NOP56: variants seen among roughly 807,000 people sequenced by gnomAD.
NOP56 encodes NOP56 ribonucleoprotein.
NOP56 carries 31 observed loss-of-function variants against 58.3 expected under a neutral mutation model. That is an observed-to-expected ratio of 0.53 (90% confidence interval 0.40 to 0.72). NOP56 has a LOEUF of 0.72. Ranked by LOEUF, NOP56 falls within the 30% of genes least tolerant of loss-of-function variation. The pLI is 0.00. For missense variants in NOP56, 669 were observed against 739.9 expected (o/e 0.90, Z 1.11); for synonymous variants, 313 against 282.8 (o/e 1.11, Z -1.07).
At position 2,656,745 on chromosome 20, in the gene NOP56, G is replaced by T. The variant is rs200845470; in HGVS notation, c.1160-29G>T. 6.2e-6 allele frequency: 10 copies of T among 1,613,996 alleles called. No individual in the cohort carries two copies. The South Asian group carries it at 1.1e-4, about 18-fold the overall frequency. On this transcript the variant is annotated intron_variant, in intron 9 of 11. Coordinates refer to ENST00000329276, the MANE Select transcript of NOP56 (RefSeq NM_006392.4). ...TTGGGGTAGTTTCTCTCTTTGGGCT[G>T]ACAGGCTTTGTCACCCACACACATC... is the stretch of plus-strand genomic sequence containing the variant.
In NOP56 at chr20:2,652,941, AT is replaced by A. The variant is rs1568539844; in HGVS notation, c.93+11del. 1 of 1,587,928 alleles carries A rather than the reference AT, an allele frequency of 6.3e-7. No homozygotes were observed. The highest frequency in any genetic ancestry group is 1.4e-5 in the African/African-American group (1 of 74,034). Reference sequence around the variant, plus strand: ...TCTGCTGCAGCCGCAGGTGGGTGAGATCCGTGGGCTCCTTTGGCGGCCCCGC... The same window carrying A: ...TCTGCTGCAGCCGCAGGTGGGTGAGACCGTGGGCTCCTTTGGCGGCCCCGC... On this transcript the variant is annotated intron_variant, in intron 2 of 11. Coordinates refer to ENST00000329276, the MANE Select transcript of NOP56 (RefSeq NM_006392.4).
At position 2,652,759 on chromosome 20, in the gene NOP56, GCCTGCGCCTGC is replaced by G; in HGVS notation, c.4-82_4-72del. The G allele has an allele frequency of 6.7e-6, 10 of 1,498,742 alleles. No homozygotes were observed. In the South Asian group the frequency reaches 1.1e-4, roughly 16 times the overall value. 92.8% of individuals were successfully genotyped at this position (1,498,742 alleles called of 1,614,324 possible). A position where few individuals can be genotyped will look rare whatever the true frequency, so the allele number is the denominator to read the frequency against. On this transcript the variant is annotated intron_variant, in intron 1 of 11. Coordinates refer to ENST00000329276, the MANE Select transcript of NOP56 (RefSeq NM_006392.4). ...GGCCTGGGCCTGGGCCTGGGCCTGC[GCCTGCGCCTGC>G]GCCTGCCCTGGGAACGGGTTCCGGC...
intron 9 of NOP56, 35 bp from the exon 10 acceptor site, chr20:2,656,739 T>C (rs2086825709): frequency 1.2e-6 from 2 of 1,614,156 alleles, no homozygotes; most frequent in Middle Eastern, 1.6e-4. Flanking sequence ...TTTCTCTCTT[T>C]GGGCTGACAG....
Position 2,656,887 on chromosome 20 carries a change from A to G in NOP56, c.1273A>G (p.Met425Val), listed in dbSNP as rs771952945. The change falls in exon 10 of 12, where the codon ATG (methionine) becomes GTG (valine). Residue 425 changes from methionine (M) to valine (V), a missense_variant. Physicochemically the swap from Met to Val is conservative, Grantham distance 21. Around this residue, in one of 3 missense-constraint regions of NOP56, gnomAD observed 339 missense variants for 430.5 expected, o/e 0.79. Transcript: ENST00000329276. ...GAATCTGGATGTCATGAAGGAAGCA[A>G]TGGTTCAGGTCAGTTGGGCTTTGCT... ...RKNLDVMKEA[M>V]VQAEEAAAEI... The G allele has an allele frequency of 2.7e-5, 43 of 1,614,084 alleles. No individual in the cohort carries two copies. In the Admixed American group the frequency reaches 6.8e-4, roughly 26 times the overall value.
At chr20:2,656,103 G>A (rs140275178) in intron 8 of NOP56, 69 bp downstream of exon 8, 48 of 1,613,518 alleles carry the variant, frequency 3.0e-5, no homozygotes, top group Middle Eastern at 3.3e-4. Context: ...GGGGGATCAC[G>A]GTGATGGCTG....
chr20:2,656,876 T>C lies in NOP56; in HGVS notation c.1262T>C (p.Met421Thr), dbSNP rs747866124. ...GEIPRKNLDV[M>T]KEAMVQAEEA... Reference sequence around the variant, plus strand: ...ATACCACGAAAGAATCTGGATGTCATGAAGGAAGCAATGGTTCAGGTCAGT... The same window carrying C: ...ATACCACGAAAGAATCTGGATGTCACGAAGGAAGCAATGGTTCAGGTCAGT... The change falls in exon 10 of 12, where the codon ATG becomes ACG. Residue 421 changes from methionine to threonine, a missense_variant. By Grantham distance (81) the Met-to-Thr change is moderately conservative. Transcript: ENST00000329276. The C allele has an allele frequency of 1.2e-6, 2 of 1,614,148 alleles. No homozygotes were observed. The highest frequency in any genetic ancestry group is 1.7e-6 in the Non-Finnish European group (2 of 1,180,042).
chr20:2,655,675 A>G lies in NOP56; in HGVS notation c.838A>G (p.Ser280Gly). 1 of 1,614,108 alleles carries G rather than the reference A, an allele frequency of 6.2e-7. No individual in the cohort carries two copies. Among genetic ancestry groups the G allele is most frequent in the Non-Finnish European group, 8.5e-7 (1 of 1,180,012 alleles). Residue 280 changes from serine (S) to glycine (G), a missense_variant, in exon 7 of 12, where the codon AGC (serine) becomes GGC (glycine). Transcript: ENST00000329276. ...RVVSLSEYRQ[S>G]LHTYLRSKMS... is the part of the protein sequence containing the mutation. ...GGTGTCTTTATCTGAATACCGCCAG[A>G]GCCTACACACTTACCTGCGCTCCAA... is the stretch of plus-strand genomic sequence containing the variant.
rs1006362841 is a variant in NOP56 at position 2,654,929 on chromosome 20, C to T, written c.551C>T (p.Thr184Ile). The T allele has an allele frequency of 5.0e-6, 8 of 1,614,166 alleles. No individual in the cohort carries two copies. In the Admixed American group the frequency reaches 5.0e-5, roughly 10 times the overall value. ...GACCAGCTGGATAAGGACATCAATA[C>T]CTTCTCTATGCGTGTCAGGTAAAGT... is the stretch of plus-strand genomic sequence containing the variant. ...LLDQLDKDIN[T>I]FSMRVREWYG... is the part of the protein sequence containing the mutation. The change falls in exon 5 of 12, where the codon ACC becomes ATC. Residue 184 changes from threonine to isoleucine, a missense_variant. This residue lies in a region of NOP56 where 339 missense variants were observed against 430.5 expected (regional missense o/e 0.79). Transcript: ENST00000329276.
chr20:2,655,678 C>G lies in NOP56; in HGVS notation c.841C>G (p.Leu281Val). ...GTCTTTATCTGAATACCGCCAGAGC[C>G]TACACACTTACCTGCGCTCCAAGAT... ...VVSLSEYRQSLHTYLRSKMSQ... is the reference protein window; with the variant it reads ...VVSLSEYRQSVHTYLRSKMSQ... The change falls in exon 7 of 12, where the codon CTA becomes GTA. Residue 281 changes from leucine (L) to valine (V), a missense_variant. Transcript: ENST00000329276. 6.2e-7 allele frequency: 1 copy of G among 1,614,214 alleles called. No individual in the cohort carries two copies. The highest frequency in any genetic ancestry group is 8.5e-7 in the Non-Finnish European group (1 of 1,180,040).
intron 11 of NOP56, 182 bp from the exon 12 acceptor site, chr20:2,657,745 CAT>C (rs1394280508): frequency 4.6e-6 from 3 of 651,646 alleles, no homozygotes; most frequent in Admixed American, 2.7e-5. Context: ...TTTCTCATGA[CAT>C]GTTTTCCTTC....
chr20:2,655,861 G>A (rs2086810001), intron 7 of NOP56, 73 bp from the exon 8 acceptor site: 1 of 1,609,602 alleles, frequency 6.2e-7, no homozygotes, highest in African/African-American at 1.3e-5. Flanking sequence ...GGGGAGGTGG[G>A]GAGCAGGGCT....
chr20:2,656,775 G>A lies in NOP56; in HGVS notation c.1161G>A (p.Glu387=), dbSNP rs1247054569. 1.2e-6 allele frequency: 2 copies of A among 1,614,158 alleles called. No individual in the cohort carries two copies. The highest frequency in any genetic ancestry group is 1.7e-6 in the Non-Finnish European group (2 of 1,180,028). The change falls in exon 10 of 12, where the codon GAG becomes GAA. Residue 387 remains glutamate, a splice_region_variant and synonymous_variant. Coordinates refer to ENST00000329276, the MANE Select transcript of NOP56 (RefSeq NM_006392.4). ...GCTTTGTCACCCACACACATCCAGA[G>A]GTGCCCACGAGTGTATTCGGGGAGA... ...SIASRIDCFS[E]VPTSVFGEKL...
At chr20:2,655,251 GGA>G (rs1568541702) in intron 5 of NOP56, 72 bp from the exon 6 acceptor site, 2 of 1,555,260 alleles carry the variant, frequency 1.3e-6, no homozygotes, top group Admixed American at 3.3e-5. Flanking sequence ...GAGTAGGTGT[GGA>G]GAAGGCAAGG....
At chr20:2,652,959 C>A (rs376476242) in intron 2 of NOP56, 28 bp downstream of exon 2, 1 of 1,550,804 alleles carries the variant, frequency 6.4e-7, no homozygotes, top group Admixed American at 1.9e-5. Flanking sequence ...GCTCCTTTGG[C>A]GGCCCCGCAG....
chr20:2,654,114 A>C lies in NOP56; in HGVS notation c.209-300A>C, dbSNP rs1271655311. ...AAAAAGGTTTGGTTCCAGAAGGCAA[A>C]TTCTACGAAATACTCGAGGGTGTGT... On this transcript the variant is annotated intron_variant, in intron 3 of 11. Transcript: ENST00000329276. The C allele has an allele frequency of 1.5e-5, 9 of 597,632 alleles. No homozygotes were observed. The African/African-American group carries it at 1.6e-4, about 11-fold the overall frequency. 37.0% of individuals were successfully genotyped at this position (597,632 alleles called of 1,614,324 possible).
At position 2,656,355 on chromosome 20, in the gene NOP56, G is replaced by A. The variant is rs775064094; in HGVS notation, c.1011-46G>A. ...AGGAGCTGAGCTGCCTTGGCTAATG[G>A]GGTTGAAATTTCTGATCTTAAACTC... On this transcript the variant is annotated intron_variant, in intron 8 of 11. Transcript: ENST00000329276. The A allele has an allele frequency of 5.6e-6, 9 of 1,612,532 alleles. No homozygotes were observed. In the Admixed American group the frequency reaches 1.3e-4, roughly 24 times the overall value.
In NOP56 at chr20:2,654,674, A is replaced by G. The variant is rs371294120; in HGVS notation, c.371-75A>G. ...TGTTGTGATTTCTGGGAAGGCCTTC[A>G]GGCTGGGCTGGTGCCCGTGGGTGCG... On this transcript the variant is annotated intron_variant, in intron 4 of 11. Transcript: ENST00000329276. The G allele has an allele frequency of 2.0e-4, 321 of 1,605,892 alleles. 2 individuals carry two copies. In the African/African-American group the frequency reaches 3.7e-3, roughly 19 times the overall value.
At chr20:2,653,036 G>A (rs1002783952) in intron 2 of NOP56, 105 bp downstream of exon 2, 4 of 1,044,796 alleles carry the variant, frequency 3.8e-6, no homozygotes, top group Middle Eastern at 3.1e-4. Context: ...GGTTCGGGGC[G>A]GGGGGACGGG....
At chr20:2,657,381 T>C in intron 11 of NOP56, 163 bp downstream of exon 11, 2 of 1,054,602 alleles carry the variant, frequency 1.9e-6, no homozygotes, top group Non-Finnish European at 2.9e-6. Context: ...AGGAAGGAGA[T>C]AGGTGCTGAA....
Sources: gnomAD v4.1 joint callset for allele counts on GRCh38, gnomAD v4.1.1 for gene constraint, gnomAD v4.1.1 regional missense constraint, MANE v1.5 for transcripts, NCBI Gene and HGNC (gene_info 2026-07-23, HGNC 2026-07-21) for gene names.